SDHC: variants seen among roughly 807,000 people sequenced by gnomAD.
SDHC encodes the protein succinate dehydrogenase cytochrome b560 subunit, mitochondrial.
SDHC carries 11 observed loss-of-function variants against 22.6 expected under a neutral mutation model. The observed-to-expected ratio is 0.49, with a 90% CI of 0.31 to 0.81. The LOEUF (loss-of-function observed/expected upper bound fraction) is 0.81. SDHC is among the 30% of genes least tolerant of loss of function. The pLI, the probability that SDHC is intolerant of heterozygous loss-of-function variation, is 0.05. For missense variants in SDHC, 160 were observed against 212.0 expected (o/e 0.75, Z 1.52); for synonymous variants, 80 against 77.8 (o/e 1.03, Z -0.15).
intron 5 of SDHC, among the ~76,000 whole-genome samples, chr1:161,358,918 G>A (rs1488836989): frequency 7.9e-6 from 1 of 127,130 alleles, no homozygotes; most frequent in African/African-American, 2.8e-5. Flanking sequence ...CAACAAGAGC[G>A]AAATTCCGTC....
At chr1:161,328,031 G>A (rs1428347003) in intron 2 of SDHC, among the ~76,000 whole-genome samples, 1 of 143,720 alleles carries the variant, frequency 7.0e-6, no homozygotes, top group African/African-American at 2.6e-5. Flanking sequence ...TTTTGAGAGA[G>A]AATTTCTTGT....
chr1:161,318,104 GGAGGTTGCAGT>G (rs1215737524), intron 1 of SDHC, among the ~76,000 whole-genome samples: 1 of 151,796 alleles, frequency 6.6e-6, no homozygotes, highest in Admixed American at 6.6e-5. Context: ...CCTGGGAGGC[GGAGGTTGCAGT>G]GAGCTGAGAT....
intron 4 of SDHC, among the ~76,000 whole-genome samples, chr1:161,348,242 G>C (rs1671970409): frequency 6.6e-6 from 1 of 151,644 alleles, no homozygotes; most frequent in African/African-American, 2.4e-5. Context: ...CTGCACTTCT[G>C]TCTCCTCCTG....
chr1:161,317,690 C>T (rs139576530), intron 1 of SDHC, among the ~76,000 whole-genome samples: 17,411 of 149,312 alleles, frequency 0.12, 1,372 homozygotes, highest in African/African-American at 0.22. Flanking sequence ...GCCTCCCAAG[C>T]AGCTAGGACT....
chr1:161,338,529 A>G (rs898259913), intron 3 of SDHC, among the ~76,000 whole-genome samples: 3 of 152,196 alleles, frequency 2.0e-5, no homozygotes, highest in Non-Finnish European at 4.4e-5. Context: ...CTAGAATAAC[A>G]ATGTTGGTTG....
intron 4 of SDHC, among the ~76,000 whole-genome samples, chr1:161,354,709 G>GTT (rs1385684136): frequency 1.8e-5 from 2 of 112,202 alleles, no homozygotes; most frequent in South Asian, 5.8e-4. Context: ...GTGTGTGTGT[G>GTT]TTTTGTCATT....
intron 3 of SDHC, among the ~76,000 whole-genome samples, chr1:161,334,228 A>G (rs1671387246): frequency 6.6e-6 from 1 of 152,182 alleles, no homozygotes; most frequent in Non-Finnish European, 1.5e-5. Flanking sequence ...CTTCAGAACC[A>G]GCAATGCTAC....
In SDHC at chr1:161,340,569, ATTGTCT is replaced by A. The variant is rs780547446; in HGVS notation, c.180-20_180-15del. 1.2e-6 allele frequency: 2 copies of A among 1,608,146 alleles called. No homozygotes were observed. The highest frequency in any genetic ancestry group is 1.7e-6 in the Non-Finnish European group (2 of 1,174,816). On this transcript the variant is annotated intron_variant, in intron 3 of 5. Transcript: ENST00000367975. ...ATGGTGTCATCTTTTCCTTTTTAAA[ATTGTCT>A]TTGTGTGTTTCTTTACAGTTGGTCT...
intron 3 of SDHC, among the ~76,000 whole-genome samples, chr1:161,336,390 G>T (rs952718494): frequency 1.3e-5 from 2 of 152,034 alleles, no homozygotes; most frequent in African/African-American, 4.8e-5. Flanking sequence ...GGGAGGCGGA[G>T]GTTGCAGTGA....
chr1:161,333,321 T>C (rs757819687), intron 3 of SDHC, among the ~76,000 whole-genome samples: 3 of 152,242 alleles, frequency 2.0e-5, no homozygotes, highest in Non-Finnish European at 4.4e-5. Flanking sequence ...TACAAGTTTT[T>C]GTGTGCACAT....
At chr1:161,339,973 C>G (rs939148383) in intron 3 of SDHC, among the ~76,000 whole-genome samples, 15 of 152,086 alleles carry the variant, frequency 9.9e-5, no homozygotes, top group South Asian at 6.2e-4. Flanking sequence ...AGGCACCGCG[C>G]CTGGCCCAGG....
intron 1 of SDHC, among the ~76,000 whole-genome samples, chr1:161,318,314 G>C (rs1670703695): frequency 6.6e-6 from 1 of 151,960 alleles, no homozygotes; most frequent in African/African-American, 2.4e-5. Flanking sequence ...GGCTAATTAA[G>C]AATTATTAGT....
intron 4 of SDHC, among the ~76,000 whole-genome samples, chr1:161,343,785 TG>T (rs1281240531): frequency 6.6e-6 from 1 of 152,188 alleles, no homozygotes; most frequent in Non-Finnish European, 1.5e-5. Context: ...TTTATTAGGC[TG>T]TAGTTTCCCT....
intron 4 of SDHC, among the ~76,000 whole-genome samples, chr1:161,344,406 G>A (rs998459583): frequency 6.6e-6 from 1 of 151,946 alleles, no homozygotes; most frequent in African/African-American, 2.4e-5. Context: ...GCAGTGAGCT[G>A]TCACTGTGCC....
chr1:161,352,146 T>TG (rs1412390131), intron 4 of SDHC, among the ~76,000 whole-genome samples: 1 of 152,122 alleles, frequency 6.6e-6, no homozygotes, highest in African/African-American at 2.4e-5. Flanking sequence ...ATTCTAGGAG[T>TG]GGGGTCAGTT....
intron 4 of SDHC, among the ~76,000 whole-genome samples, chr1:161,350,838 AC>A (rs894026045): frequency 7.9e-5 from 12 of 152,262 alleles, no homozygotes; most frequent in Admixed American, 2.0e-4. Context: ...TATGAGCACC[AC>A]TAGTCTATAT....
At chr1:161,325,701 C>A (rs772020454) in intron 2 of SDHC, among the ~76,000 whole-genome samples, 5 of 152,076 alleles carry the variant, frequency 3.3e-5, no homozygotes, top group Non-Finnish European at 7.4e-5. Context: ...ACTGAGGTAC[C>A]GAGCTGAATC....
chr1:161,344,018 C>A (rs1471555368), intron 4 of SDHC, among the ~76,000 whole-genome samples: 1 of 151,858 alleles, frequency 6.6e-6, no homozygotes, highest in African/African-American at 2.4e-5. Flanking sequence ...TCGAGACCAT[C>A]CTGGGCAACA....
intron 4 of SDHC, among the ~76,000 whole-genome samples, chr1:161,351,314 G>T (rs994028714): frequency 2.0e-5 from 3 of 152,090 alleles, no homozygotes; most frequent in Non-Finnish European, 2.9e-5. Context: ...TAGGCTTTGG[G>T]CTGTAGAAAA....
Sources: gnomAD v4.1 joint callset for allele counts (sites outside exome capture counted in the v4.1 genomes callset) on GRCh38, gnomAD v4.1.1 for gene constraint, MANE v1.5 for transcripts, NCBI Gene and HGNC (gene_info 2026-07-23, HGNC 2026-07-21) for gene names.